Variants in MAP3K3 observed in about 807,000 individuals in gnomAD.
MAP3K3 encodes MAP/ERK kinase kinase 3.
MAP3K3 carries 12 observed loss-of-function variants against 80.9 expected under a neutral mutation model. That is an observed-to-expected ratio of 0.15 (90% confidence interval 0.10 to 0.24). The LOEUF (loss-of-function observed/expected upper bound fraction) is 0.24, where lower values mean the gene tolerates loss of function less well. Ranked by LOEUF, MAP3K3 falls within the 10% of genes least tolerant of loss-of-function variation. MAP3K3 has a pLI of 1.00. For missense variants in MAP3K3, 596 were observed against 834.7 expected (o/e 0.71, Z 3.52); for synonymous variants, 272 against 307.1 (o/e 0.89, Z 1.19).
intron 2 of MAP3K3, among the ~76,000 whole-genome samples, chr17:63,644,173 A>G (rs2034498008): frequency 6.6e-6 from 1 of 152,152 alleles, no homozygotes; most frequent in Admixed American, 6.5e-5. Context: ...ATTAATGGAT[A>G]AAGTGGTCCA....
At chr17:63,656,889 C>T (rs2034781016) in intron 4 of MAP3K3, among the ~76,000 whole-genome samples, 1 of 151,948 alleles carries the variant, frequency 6.6e-6, no homozygotes, top group Admixed American at 6.6e-5. Flanking sequence ...GCTGGGGAGG[C>T]CTCAGGAAAC....
intron 6 of MAP3K3, among the ~76,000 whole-genome samples, chr17:63,677,052 A>G (rs918210035): frequency 1.3e-5 from 2 of 152,206 alleles, no homozygotes; most frequent in East Asian, 3.8e-4. Flanking sequence ...AAGGGTACAA[A>G]TGGGATTCTA....
intron 7 of MAP3K3, 103 bp downstream of exon 7, chr17:63,682,002 C>A: frequency 9.2e-7 from 1 of 1,089,524 alleles, no homozygotes; most frequent in Non-Finnish European, 1.2e-6. Context: ...GGGACATGAA[C>A]CCCATTTGAA....
chr17:63,669,697 C>G (rs2035066236), intron 6 of MAP3K3, among the ~76,000 whole-genome samples: 1 of 152,174 alleles, frequency 6.6e-6, no homozygotes, highest in South Asian at 2.1e-4. Context: ...AGATGACCAC[C>G]TGCCTCGGCC....
chr17:63,693,136 AG>A lies in MAP3K3; in HGVS notation c.1653-412del, dbSNP rs1422111112. 6.6e-6 allele frequency among the ~76,000 whole-genome samples: 1 copy of A among 152,208 alleles called. No individual in the cohort carries two copies. Among genetic ancestry groups the A allele is most frequent in the Non-Finnish European group, 1.5e-5 (1 of 68,032 alleles). Reference sequence around the variant, plus strand: ...AGGCAAGGAAACAGGTTCTCCCCTCAGAGCCTCTGACAGGAACCAGCCCTGC... The same window carrying A: ...AGGCAAGGAAACAGGTTCTCCCCTCAAGCCTCTGACAGGAACCAGCCCTGC... On this transcript the variant is annotated intron_variant, in intron 15 of 15. Coordinates refer to ENST00000361733, the MANE Select transcript of MAP3K3 (RefSeq NM_002401.5). The surrounding 1 kb of genome is among the most constrained non-coding windows in gnomAD (Gnocchi z 4.2).
intron 4 of MAP3K3, among the ~76,000 whole-genome samples, chr17:63,652,978 C>T (rs1024637160): frequency 3.1e-4 from 47 of 151,904 alleles, no homozygotes; most frequent in Non-Finnish European, 2.8e-4. Context: ...TTATTTTTTT[C>T]CCCCCAGCAC....
chr17:63,652,388 G>A (rs146243182), intron 3 of MAP3K3, among the ~76,000 whole-genome samples, 169 bp from the exon 4 acceptor site: 266 of 152,280 alleles, frequency 1.7e-3, no homozygotes, highest in Admixed American at 3.1e-3. Flanking sequence ...AGGGTGAAAG[G>A]TAACGGTAGA....
At chr17:63,646,578 T>A (rs564115293) in intron 3 of MAP3K3, among the ~76,000 whole-genome samples, 56 of 152,348 alleles carry the variant, frequency 3.7e-4, no homozygotes, top group African/African-American at 1.3e-3. Flanking sequence ...TGTAAAAGAC[T>A]TTAGCTCCTT....
rs979338546 is a variant in MAP3K3, at chr17:63,693,445, C to T, written c.1653-104C>T. On this transcript the variant is annotated intron_variant, in intron 15 of 15. Coordinates refer to ENST00000361733, the MANE Select transcript of MAP3K3 (RefSeq NM_002401.5). This position sits in a 1 kb window ranked among gnomAD's most constrained non-coding sequence, Gnocchi z 4.2. ...GTATCCCTCAGCTTGGCCTGTCCTG[C>T]ACCTCAGCTTGCTGTGAGAAAGGCG... 9.8e-7 allele frequency: 1 copy of T among 1,023,400 alleles called. No homozygotes were observed. Among genetic ancestry groups the T allele is most frequent in the Admixed American group, 2.5e-5 (1 of 40,802 alleles). The allele number at this position is 1,023,400 out of a possible 1,614,324, so 63.4% of individuals were successfully genotyped here. A position where few individuals can be genotyped will look rare whatever the true frequency, so the allele number is the denominator to read the frequency against.
At chr17:63,679,360 CT>C (rs988358580) in intron 6 of MAP3K3, among the ~76,000 whole-genome samples, 2 of 152,214 alleles carry the variant, frequency 1.3e-5, no homozygotes, top group Non-Finnish European at 2.9e-5. Flanking sequence ...GGCCCACCCT[CT>C]TTTCCGGGAT....
chr17:63,694,546 CTGTG>C lies in MAP3K3; in HGVS notation c.*774_*777del, dbSNP rs1443703825. On this transcript the variant is annotated 3_prime_UTR_variant, in exon 16 of 16. Transcript: ENST00000361733. ...CTGTACCCAGTTTCTAAACTGGAGA[CTGTG>C]TGTGCCCTCTGGGCTCTGAGTACCC... 1 of 152,700 alleles carries C rather than the reference CTGTG, an allele frequency of 6.5e-6. No homozygotes were observed. Among genetic ancestry groups the C allele is most frequent in the Non-Finnish European group, 1.5e-5 (1 of 68,070 alleles). The allele number at this position is 152,700 out of a possible 1,614,324, so 9.5% of individuals were successfully genotyped here.
At chr17:63,685,940 A>T (rs2035439621) in intron 8 of MAP3K3, among the ~76,000 whole-genome samples, 1 of 152,176 alleles carries the variant, frequency 6.6e-6, no homozygotes, top group Non-Finnish European at 1.5e-5. Context: ...GGAGAACTGA[A>T]TTCTCATCCA....
chr17:63,628,051 G>C (rs1420156508), intron 1 of MAP3K3, among the ~76,000 whole-genome samples: 2 of 151,512 alleles, frequency 1.3e-5, no homozygotes, highest in East Asian at 3.9e-4. Flanking sequence ...GATTACAGGT[G>C]TGCACCACCA....
At chr17:63,685,302 G>A (rs1305688578) in intron 7 of MAP3K3, among the ~76,000 whole-genome samples, 2 of 152,206 alleles carry the variant, frequency 1.3e-5, no homozygotes, top group African/African-American at 4.8e-5. Context: ...TCCTTGGGAT[G>A]CCAGCCAAGC....
chr17:63,685,579 G>A lies in MAP3K3; in HGVS notation c.699G>A (p.Arg233=). ...SLSGSCQSLD[R]SADSPSFRKS... is the part of the protein sequence containing the mutation. ...CTGGAAGCTGCCAATCCTTGGACAG[G>A]TCAGCAGACAGGTATGGGACTGTGG... Residue 233 remains arginine, a synonymous_variant, in exon 8 of 16, where the codon AGG becomes AGA. Transcript: ENST00000361733. 6.2e-7 allele frequency: 1 copy of A among 1,614,142 alleles called. No individual in the cohort carries two copies. Among genetic ancestry groups the A allele is most frequent in the South Asian group, 1.1e-5 (1 of 91,084 alleles).
Position 63,644,353 on chromosome 17 carries a change from T to TA in MAP3K3, c.127-1680dup, listed in dbSNP as rs553110881. On this transcript the variant is annotated intron_variant, in intron 2 of 15. Transcript: ENST00000361733. ...CCTCAGCCTCCCGAGTAGCTGGGAT[T>TA]ACAGGTGTGCGCCATTACTCACGGC... Among the ~76,000 whole-genome samples, 290 of 152,242 alleles carry TA rather than the reference T, an allele frequency of 1.9e-3. 2 individuals are homozygous for TA. Among genetic ancestry groups the TA allele is most frequent in the African/African-American group, 6.7e-3 (278 of 41,550 alleles).
intron 6 of MAP3K3, chr17:63,673,022 C>T (rs2035142213): frequency 6.6e-6 from 1 of 152,192 alleles, no homozygotes; most frequent in South Asian, 2.1e-4. Context: ...CCTCTGTTGC[C>T]TCCTTGCCAT....
rs561694980 is a variant in MAP3K3 at position 63,667,288 on chromosome 17, A to C, written c.502+228A>C. ...AATATAATGATATAGTAGTGTGATT[A>C]AATTCCTTTTAAACATCCCTGAAAA... On this transcript the variant is annotated intron_variant, in intron 6 of 15. Transcript: ENST00000361733. Among the ~76,000 whole-genome samples, 3 of 152,354 alleles carry C rather than the reference A, an allele frequency of 2.0e-5. No homozygotes were observed. The East Asian group carries it at 5.8e-4, about 29-fold the overall frequency.
At position 63,691,798 on chromosome 17, in the gene MAP3K3, G is replaced by C; in HGVS notation, c.1410G>C (p.Thr470=). 1 of 1,614,128 alleles carries C rather than the reference G, an allele frequency of 6.2e-7. No individual in the cohort carries two copies. The highest frequency in any genetic ancestry group is 8.5e-7 in the Non-Finnish European group (1 of 1,180,026). ...CAGAGAGCGTGACCCGAAAGTACAC[G>C]CGGCAGATCCTGGAGGGCATGTCCT... ...ALTESVTRKY[T]RQILEGMSYL... The change falls in exon 14 of 16, where the codon ACG becomes ACC. Residue 470 remains threonine, a synonymous_variant. Coordinates refer to ENST00000361733, the MANE Select transcript of MAP3K3 (RefSeq NM_002401.5). This position sits in a 1 kb window ranked among gnomAD's most constrained non-coding sequence, Gnocchi z 4.8.
Sources: allele counts gnomAD v4.1 joint callset (sites outside exome capture counted in the v4.1 genomes callset), GRCh38; gene constraint gnomAD v4.1.1; non-coding constraint Gnocchi (gnomAD v3.1); transcripts MANE v1.5; gene names NCBI Gene and HGNC (gene_info 2026-07-23, HGNC 2026-07-21).